Variants in LUZP2 observed in about 807,000 individuals in gnomAD.
LUZP2 encodes the protein leucine zipper protein 2.
Under a neutral mutation model 51.6 loss-of-function variants are expected in LUZP2, and 52 were observed. That is an observed-to-expected ratio of 1.01 (90% CI 0.81 to 1.27). The LOEUF (loss-of-function observed/expected upper bound fraction) is 1.27, where lower values mean the gene tolerates loss of function less well. LUZP2 is among the 50% of genes most tolerant of loss of function. The pLI is 0.00. For missense variants in LUZP2, 436 were observed against 395.4 expected (o/e 1.10, Z -0.87); for synonymous variants, 154 against 137.3 (o/e 1.12, Z -0.85).
chr11:25,026,817 T>A (rs2133983435), intron 9 of LUZP2, among the ~76,000 whole-genome samples: 1 of 152,020 alleles, frequency 6.6e-6, no homozygotes, highest in South Asian at 2.1e-4. Context: ...AAAAAGTAAT[T>A]CAGAGGATTT....
chr11:25,017,468 T>G (rs1441441021), intron 9 of LUZP2, among the ~76,000 whole-genome samples: 2 of 152,204 alleles, frequency 1.3e-5, no homozygotes, highest in African/African-American at 4.8e-5. Flanking sequence ...AGTTTCATTC[T>G]TCTACATGTG....
chr11:24,948,497 A>C (rs1854963478), intron 7 of LUZP2, among the ~76,000 whole-genome samples: 1 of 151,742 alleles, frequency 6.6e-6, no homozygotes, highest in Non-Finnish European at 1.5e-5. Flanking sequence ...TCTGAAGAGC[A>C]GGGCAGGGTT....
chr11:25,021,660 C>G (rs1857337299), intron 9 of LUZP2, among the ~76,000 whole-genome samples: 1 of 151,924 alleles, frequency 6.6e-6, no homozygotes, highest in South Asian at 2.1e-4. Context: ...TTCCAAGACC[C>G]AGGAATTTTC....
intron 5 of LUZP2, among the ~76,000 whole-genome samples, chr11:24,840,446 A>C (rs1045413810): frequency 6.6e-6 from 1 of 151,876 alleles, no homozygotes; most frequent in Non-Finnish European, 1.5e-5. Flanking sequence ...AAAAAATCTT[A>C]ATATACCATG....
chr11:24,995,839 A>G (rs985219033), intron 9 of LUZP2, among the ~76,000 whole-genome samples: 2 of 152,020 alleles, frequency 1.3e-5, no homozygotes. Context: ...ACTTGTTTCC[A>G]GAATTTTCTA....
intron 5 of LUZP2, among the ~76,000 whole-genome samples, chr11:24,872,750 T>C (rs1323333621): frequency 6.6e-6 from 1 of 152,100 alleles, no homozygotes; most frequent in Non-Finnish European, 1.5e-5. Context: ...AAAATTTTGC[T>C]TTTTTTATTT....
chr11:24,679,573 C>T (rs1291715874), intron 1 of LUZP2, among the ~76,000 whole-genome samples: 1 of 152,056 alleles, frequency 6.6e-6, no homozygotes, highest in African/African-American at 2.4e-5. Context: ...TTTAAATTAA[C>T]TATTTTAAAA....
chr11:24,523,202 T>A (rs1167365802), intron 1 of LUZP2, among the ~76,000 whole-genome samples: 1 of 152,038 alleles, frequency 6.6e-6, no homozygotes, highest in African/African-American at 2.4e-5. Context: ...GAAATCTAAA[T>A]GTTCTTCACA....
At chr11:24,897,881 T>A (rs1853134220) in intron 5 of LUZP2, among the ~76,000 whole-genome samples, 1 of 152,218 alleles carries the variant, frequency 6.6e-6, no homozygotes, top group Non-Finnish European at 1.5e-5. Flanking sequence ...TTTGTCCTCT[T>A]CCTTTTGCCT....
At chr11:25,073,621 T>TA (rs1214910208) in intron 10 of LUZP2, among the ~76,000 whole-genome samples, 2 of 152,156 alleles carry the variant, frequency 1.3e-5, no homozygotes, top group African/African-American at 2.4e-5. Flanking sequence ...GCTTTATTGT[T>TA]AAAAAAGGAG....
intron 1 of LUZP2, among the ~76,000 whole-genome samples, chr11:24,550,141 GTCAATCTCACTAT>G (rs1422146508): frequency 6.6e-6 from 1 of 152,026 alleles, no homozygotes; most frequent in East Asian, 1.9e-4. Flanking sequence ...ACAGTAACAT[GTCAATCTCACTAT>G]AATGACTCAA....
At chr11:24,569,217 T>C (rs1259219618) in intron 1 of LUZP2, among the ~76,000 whole-genome samples, 2 of 152,028 alleles carry the variant, frequency 1.3e-5, no homozygotes, top group African/African-American at 4.8e-5. Flanking sequence ...TGTATCTACA[T>C]CTACATTTAA....
intron 1 of LUZP2, among the ~76,000 whole-genome samples, chr11:24,513,294 G>C (rs147424744): frequency 6.6e-6 from 1 of 152,202 alleles, no homozygotes; most frequent in South Asian, 2.1e-4. Flanking sequence ...CAAAAGACTT[G>C]ATCATATCTT....
At chr11:24,926,345 G>GTATATATATATGTGTGTA (rs752623200) in intron 7 of LUZP2, among the ~76,000 whole-genome samples, 2 of 44,982 alleles carry the variant, frequency 4.4e-5, no homozygotes, top group Admixed American at 2.7e-4. Flanking sequence ...ATATACGTGT[G>GTATATATATATGTGTGTA]TATATATATA....
chr11:24,789,244 T>G (rs1309974572), intron 5 of LUZP2, among the ~76,000 whole-genome samples: 2 of 152,150 alleles, frequency 1.3e-5, no homozygotes, highest in Non-Finnish European at 2.9e-5. Context: ...AGAGGGCTGG[T>G]AGTGAGGTCA....
intron 9 of LUZP2, among the ~76,000 whole-genome samples, chr11:24,988,262 G>A (rs1391631455): frequency 6.6e-6 from 1 of 151,980 alleles, no homozygotes; most frequent in Non-Finnish European, 1.5e-5. Context: ...ATGTGTTAAA[G>A]CCAATATTTC....
chr11:24,828,114 A>C (rs71478106), intron 5 of LUZP2, among the ~76,000 whole-genome samples: 1 of 152,136 alleles, frequency 6.6e-6, no homozygotes, highest in Non-Finnish European at 1.5e-5. Context: ...TATAGAAAAA[A>C]CAATGAAAGA....
At chr11:25,016,516 G>A (rs1857161706) in intron 9 of LUZP2, among the ~76,000 whole-genome samples, 1 of 151,562 alleles carries the variant, frequency 6.6e-6, no homozygotes, top group Non-Finnish European at 1.5e-5. Context: ...GTATTCCATG[G>A]TATATATACA....
chr11:25,006,636 CAT>C (rs1856841363), intron 9 of LUZP2, among the ~76,000 whole-genome samples: 1 of 152,124 alleles, frequency 6.6e-6, no homozygotes, highest in Non-Finnish European at 1.5e-5. Flanking sequence ...TCTAAGGAAA[CAT>C]AGGACAGAAT....
Sources: gnomAD v4.1 joint callset for allele counts (sites outside exome capture counted in the v4.1 genomes callset) on GRCh38, gnomAD v4.1.1 for gene constraint, MANE v1.5 for transcripts, NCBI Gene and HGNC (gene_info 2026-07-23, HGNC 2026-07-21) for gene names.